The following NAV1 variants were observed in gnomAD, a reference collection of about 807,000 sequenced individuals.
The protein encoded by NAV1 is pore membrane and/or filament interacting like protein 3.
In NAV1, 18 loss-of-function variants were observed where a neutral mutation model predicts 175.2. The observed-to-expected ratio is 0.10, with a 90% confidence interval of 0.07 to 0.15. The LOEUF is 0.15. Among genes scored for constraint, NAV1 ranks in the 10% least tolerant of loss-of-function variants. The pLI is 1.00. For synonymous variants in NAV1, 897 were observed against 978.7 expected, an observed-to-expected ratio of 0.92 and a Z score of 1.56; for missense variants, 1,731 against 2,436.6, an observed-to-expected ratio of 0.71 and a Z score of 6.10.
chr1:201,569,670 C>T (rs1157016967), intron 1 of NAV1, among the ~76,000 whole-genome samples: 2 of 152,218 alleles, frequency 1.3e-5, no homozygotes, highest in Non-Finnish European at 2.9e-5. Flanking sequence ...CATCACTTTG[C>T]TGGGGCTGCA....
chr1:201,624,489 G>A (rs1053651396), intron 1 of NAV1, among the ~76,000 whole-genome samples: 14 of 151,122 alleles, frequency 9.3e-5, no homozygotes, highest in African/African-American at 2.9e-4. Context: ...GACTACAGGC[G>A]CCCACCACCA....
At chr1:201,578,954 G>A (rs971972803) in intron 1 of NAV1, among the ~76,000 whole-genome samples, 3 of 152,000 alleles carry the variant, frequency 2.0e-5, no homozygotes, top group Non-Finnish European at 4.4e-5. Context: ...CCAACATGGT[G>A]AAACCCCATC....
chr1:201,578,152 G>A (rs931820353), intron 1 of NAV1, among the ~76,000 whole-genome samples: 1 of 152,022 alleles, frequency 6.6e-6, no homozygotes, highest in South Asian at 2.1e-4. Context: ...TAGTCCCACA[G>A]GCCCCTAAGA....
intron 2 of NAV1, among the ~76,000 whole-genome samples, chr1:201,641,039 G>A (rs35420536): frequency 0.2 from 30,699 of 152,094 alleles, 3,844 homozygotes; most frequent in Admixed American, 0.36. Context: ...TAGAGGAGGC[G>A]GATTTGGCCT....
intron 1 of NAV1, among the ~76,000 whole-genome samples, chr1:201,680,437 T>C (rs1428318060): frequency 6.6e-6 from 1 of 151,242 alleles, no homozygotes; most frequent in Non-Finnish European, 1.5e-5. Flanking sequence ...ACCTGGGAGG[T>C]GGAGGTTGTG....
At position 201,812,734 on chromosome 1, in the gene NAV1, T is replaced by C. The variant is rs768312481; in HGVS notation, c.5221+73T>C. On this transcript the variant is annotated intron_variant, in intron 27 of 29. Transcript: ENST00000367296. This position sits in a 1 kb window ranked among gnomAD's most constrained non-coding sequence, Gnocchi z 4.6. ...TCCACTGTACCACCTGGAGGGATGC[T>C]CCCTTCTCTTCCTGGAGTCTTCGGC... 1.3e-5 allele frequency: 18 copies of C among 1,338,500 alleles called. No homozygotes were observed. Among genetic ancestry groups the C allele is most frequent in the Non-Finnish European group, 1.9e-5 (18 of 945,122 alleles). The allele number at this position is 1,338,500 out of a possible 1,614,324, so 82.9% of individuals were successfully genotyped here. A position where few individuals can be genotyped will look rare whatever the true frequency, so the allele number is the denominator to read the frequency against.
At chr1:201,558,739 CG>C (rs2102461678) in intron 1 of NAV1, among the ~76,000 whole-genome samples, 1 of 151,974 alleles carries the variant, frequency 6.6e-6, no homozygotes, top group South Asian at 2.1e-4. Context: ...CGTGAGCCAC[CG>C]CGCCCGGCAC....
At chr1:201,724,215 A>G (rs1672508647) in intron 3 of NAV1, 2 of 152,226 alleles carry the variant, frequency 1.3e-5, no homozygotes, top group Admixed American at 6.5e-5. Flanking sequence ...CCACTTGGAA[A>G]TACAAAAGGA....
rs561033396 is a variant in NAV1, at chr1:201,604,136, G to A, written c.-33+15487G>A. Among the ~76,000 whole-genome samples the A allele has an allele frequency of 2.0e-5, 3 of 152,268 alleles. No individual in the cohort carries two copies. In the South Asian group the frequency reaches 6.2e-4, roughly 32 times the overall value. On this transcript the variant is annotated intron_variant, in intron 2 of 33. Coordinates refer to the NAV1 transcript ENST00000685211. ...AGTGGCACGATCACTGCTCACTGCA[G>A]CCCTGACTTCCCAGGCTCAAGGATC...
At chr1:201,748,402 A>G (rs1017995189) in intron 3 of NAV1, among the ~76,000 whole-genome samples, 20 of 152,162 alleles carry the variant, frequency 1.3e-4, no homozygotes, top group Non-Finnish European at 1.0e-4. Flanking sequence ...GCATGTGTGC[A>G]GTGTTTAGAA....
intron 1 of NAV1, among the ~76,000 whole-genome samples, chr1:201,568,919 G>C (rs1461890608): frequency 6.6e-6 from 1 of 152,144 alleles, no homozygotes; most frequent in African/African-American, 2.4e-5. Context: ...TTGAATGGCA[G>C]GTCCTAGGGA....
intron 2 of NAV1, among the ~76,000 whole-genome samples, chr1:201,593,291 G>A (rs1467247395): frequency 6.6e-6 from 1 of 152,170 alleles, no homozygotes; most frequent in African/African-American, 2.4e-5. Flanking sequence ...GTCAGCAAGT[G>A]GGGCTACTTG....
At chr1:201,549,678 T>TG (rs1557992576) in intron 1 of NAV1, among the ~76,000 whole-genome samples, 3 of 149,468 alleles carry the variant, frequency 2.0e-5, no homozygotes, top group South Asian at 2.2e-4. Flanking sequence ...GCTGGGCAGG[T>TG]TACAGCCTGC....
At chr1:201,619,959 G>A (rs569104188), upstream of NAV1, among the ~76,000 whole-genome samples, 42 of 152,338 alleles carry the variant, frequency 2.8e-4, no homozygotes, top group African/African-American at 1.0e-3. Flanking sequence ...ACAAATTAGA[G>A]AAAAGGATGA....
chr1:201,629,141 G>A (rs777728083), intron 1 of NAV1, among the ~76,000 whole-genome samples: 79 of 152,192 alleles, frequency 5.2e-4, no homozygotes, highest in Non-Finnish European at 8.5e-4. Context: ...TGGGTAGACT[G>A]TAGAATGTCA....
chr1:201,649,250 C>G (rs760570545), exon 1 of NAV1: 1 of 1,613,154 alleles, frequency 6.2e-7, no homozygotes, highest in Non-Finnish European at 8.5e-7. Flanking sequence ...CGGCCGTGAG[C>G]GAAGATGGCA....
intron 2 of NAV1, among the ~76,000 whole-genome samples, chr1:201,603,956 G>A (rs1252591599): frequency 2.0e-5 from 3 of 152,192 alleles, no homozygotes; most frequent in Admixed American, 6.5e-5. Context: ...AAAAATAACC[G>A]TGTGATTGAG....
intron 1 of NAV1, among the ~76,000 whole-genome samples, chr1:201,664,847 C>G (rs1399795128): frequency 6.6e-6 from 1 of 152,136 alleles, no homozygotes; most frequent in African/African-American, 2.4e-5. Context: ...CCACCCATCT[C>G]CTCCCTTTTC....
exon 30 of NAV1, chr1:201,820,035 C>G: frequency 1.8e-6 from 2 of 1,108,450 alleles, no homozygotes; most frequent in Non-Finnish European, 2.7e-6. Context: ...CTCTCCAGCC[C>G]CAGGAGGAGA....
Sources: gnomAD v4.1 joint callset for allele counts (sites outside exome capture counted in the v4.1 genomes callset) on GRCh38, gnomAD v4.1.1 for gene constraint, Gnocchi (gnomAD v3.1) non-coding constraint, MANE v1.5 for transcripts, NCBI Gene and HGNC (gene_info 2026-07-23, HGNC 2026-07-21) for gene names.